Variants in SHC4 observed in about 807,000 individuals in gnomAD.
The protein encoded by SHC4 is SHC-transforming protein 4.
Under a neutral mutation model 69.4 loss-of-function variants are expected in SHC4, and 41 were observed. The ratio of observed to expected loss-of-function variants is 0.59; its 90% CI spans 0.46 to 0.77. SHC4 has a LOEUF of 0.77. Ranked by LOEUF, SHC4 falls within the 30% of genes least tolerant of loss-of-function variation. The pLI, the probability that SHC4 is intolerant of heterozygous loss-of-function variation, is 0.00. For synonymous variants in SHC4, 318 were observed against 299.3 expected, an observed-to-expected ratio of 1.06 and a Z score of -0.64; for missense variants, 777 against 783.8, an observed-to-expected ratio of 0.99 and a Z score of 0.10.
At chr15:48,844,349 A>T (rs1258401427) in intron 9 of SHC4, among the ~76,000 whole-genome samples, 1 of 152,056 alleles carries the variant, frequency 6.6e-6, no homozygotes, top group Non-Finnish European at 1.5e-5. Context: ...ATTGCTTCCC[A>T]TGCTCTTTAA....
chr15:48,861,603 T>C (rs1199952350), intron 6 of SHC4, among the ~76,000 whole-genome samples: 1 of 152,178 alleles, frequency 6.6e-6, no homozygotes, highest in Non-Finnish European at 1.5e-5. Context: ...GACAAGTAAC[T>C]ATATATAAAA....
At chr15:48,905,234 T>C (rs1900387946) in intron 2 of SHC4, among the ~76,000 whole-genome samples, 1 of 152,192 alleles carries the variant, frequency 6.6e-6, no homozygotes, top group Admixed American at 6.5e-5. Flanking sequence ...AACCCAACTA[T>C]GTTCTAGAAA....
intron 1 of SHC4, among the ~76,000 whole-genome samples, chr15:48,930,641 T>G (rs1443715641): frequency 6.6e-6 from 1 of 151,938 alleles, no homozygotes; most frequent in African/African-American, 2.4e-5. Flanking sequence ...TGTCTGTAAA[T>G]AAAAAATAAA....
intron 8 of SHC4, among the ~76,000 whole-genome samples, chr15:48,852,988 G>T (rs941880388): frequency 6.6e-6 from 1 of 150,946 alleles, no homozygotes; most frequent in East Asian, 1.9e-4. Context: ...GGAAGTCTTA[G>T]AGCAATCAGG....
At chr15:48,935,431 C>T (rs973397074) in intron 1 of SHC4, among the ~76,000 whole-genome samples, 1 of 152,126 alleles carries the variant, frequency 6.6e-6, no homozygotes, top group Non-Finnish European at 1.5e-5. Flanking sequence ...CATCATTATG[C>T]CCAGCACCTC....
intron 4 of SHC4, chr15:48,878,501 T>C (rs1015274737): frequency 6.2e-7 from 1 of 1,614,030 alleles, no homozygotes. Context: ...GGAGGACGAC[T>C]ACGACTATCC....
chr15:48,900,105 C>T lies in SHC4; in HGVS notation c.657-9294G>A, dbSNP rs191341088. Among the ~76,000 whole-genome samples, 8 of 152,278 alleles carry T rather than the reference C, an allele frequency of 5.3e-5. 1 individual carries two copies. Among genetic ancestry groups the T allele is most frequent in the East Asian group, 1.9e-4 (1 of 5,190 alleles). On this transcript the variant is annotated intron_variant, in intron 2 of 11. Coordinates refer to ENST00000332408, the MANE Select transcript of SHC4 (RefSeq NM_203349.4). ...ACTGTCTATACGTTTGATGATATTC[C>T]GTTCTGGGGAATTTTGTTTTCAATG...
intron 1 of SHC4, among the ~76,000 whole-genome samples, chr15:48,956,518 G>A (rs1901456383): frequency 6.6e-6 from 1 of 152,164 alleles, no homozygotes; most frequent in African/African-American, 2.4e-5. Context: ...TAGCTGGCCA[G>A]ACACATGAGG....
At chr15:48,961,946 A>G (rs1901552727) in intron 1 of SHC4, among the ~76,000 whole-genome samples, 2 of 152,220 alleles carry the variant, frequency 1.3e-5, no homozygotes, top group African/African-American at 4.8e-5. Flanking sequence ...TGTTTGTTAA[A>G]TGCTGAAATA....
intron 1 of SHC4, among the ~76,000 whole-genome samples, chr15:48,926,662 C>G (rs1900859442): frequency 1.3e-5 from 2 of 152,180 alleles, no homozygotes; most frequent in African/African-American, 4.8e-5. Flanking sequence ...AGGGTTTCAC[C>G]ATGTTGGCCA....
At chr15:48,849,398 C>A (rs1899162409) in intron 9 of SHC4, among the ~76,000 whole-genome samples, 1 of 152,066 alleles carries the variant, frequency 6.6e-6, no homozygotes, top group Non-Finnish European at 1.5e-5. Flanking sequence ...TTATTTGTTC[C>A]TATAACATCT....
intron 2 of SHC4, among the ~76,000 whole-genome samples, chr15:48,900,027 C>T (rs569223178): frequency 3.3e-5 from 5 of 152,216 alleles, no homozygotes; most frequent in South Asian, 2.1e-4. Context: ...TGTGTTAGTG[C>T]GTGTTAAGGA....
Position 48,824,772 on chromosome 15 carries a change from C to T in SHC4, c.*1199G>A, listed in dbSNP as rs1898653615. 6.6e-6 allele frequency: 1 copy of T among 152,568 alleles called. No homozygotes were observed. Among genetic ancestry groups the T allele is most frequent in the Non-Finnish European group, 1.5e-5 (1 of 68,028 alleles). The allele number at this position is 152,568 out of a possible 1,614,324, so 9.5% of individuals were successfully genotyped here. A position where few individuals can be genotyped will look rare whatever the true frequency, so the allele number is the denominator to read the frequency against. On this transcript the variant is annotated 3_prime_UTR_variant, in exon 12 of 12. Coordinates refer to ENST00000332408, the MANE Select transcript of SHC4 (RefSeq NM_203349.4). The stretch of plus-strand genomic sequence containing the variant: ...CTAGCCCATTTAGCTCATTTTATTG[C>T]CAAGGAAACTGGAACCCAAACAGAT...
intron 1 of SHC4, among the ~76,000 whole-genome samples, chr15:48,932,903 A>G (rs1900994984): frequency 6.6e-6 from 1 of 152,138 alleles, no homozygotes; most frequent in South Asian, 2.1e-4. Flanking sequence ...TGAGATGAGC[A>G]AGTAAGATAT....
chr15:48,938,566 G>T (rs1212708239), intron 1 of SHC4, among the ~76,000 whole-genome samples: 3 of 152,106 alleles, frequency 2.0e-5, no homozygotes, highest in Non-Finnish European at 4.4e-5. Flanking sequence ...TTTGAAGTTG[G>T]GTACAGCACC....
intron 3 of SHC4, among the ~76,000 whole-genome samples, chr15:48,888,928 T>C (rs1172744918): frequency 2.0e-5 from 3 of 149,386 alleles, no homozygotes; most frequent in African/African-American, 4.9e-5. Context: ...TTTTATGTTA[T>C]GGATATTTTA....
Position 48,862,361 on chromosome 15 carries a change from C to A in SHC4, c.947-4546G>T, listed in dbSNP as rs114527132. On this transcript the variant is annotated intron_variant, in intron 6 of 11. Transcript: ENST00000332408. The stretch of plus-strand genomic sequence containing the variant: ...AAGACAATGTGGATTTCCTCATTTA[C>A]AGCAATTACAGAAGCAGGGTGTATT... Among the ~76,000 whole-genome samples the A allele has an allele frequency of 3.9e-3, 595 of 152,236 alleles. 2 individuals carry two copies. The highest frequency in any genetic ancestry group is 0.014 in the African/African-American group (580 of 41,546).
In SHC4 at chr15:48,890,853, C is replaced by A. The variant is rs1268888712; in HGVS notation, c.657-42G>T. 11 of 1,592,986 alleles carry A rather than the reference C, an allele frequency of 6.9e-6. No individual in the cohort carries two copies. In the Admixed American group the frequency reaches 1.5e-4, roughly 22 times the overall value. On this transcript the variant is annotated intron_variant, in intron 2 of 11. Coordinates refer to ENST00000332408, the MANE Select transcript of SHC4 (RefSeq NM_203349.4). ...ATATAAATAAAGACTTAGCATACTA[C>A]CTCCACACAGTAAGTGTTTAAGAAA...
At chr15:48,910,733 G>T (rs1900493853) in intron 2 of SHC4, among the ~76,000 whole-genome samples, 2 of 152,044 alleles carry the variant, frequency 1.3e-5, no homozygotes, top group African/African-American at 4.8e-5. Context: ...CACCGCCTTA[G>T]CTGTATCCCA....
Sources: allele counts gnomAD v4.1 joint callset (sites outside exome capture counted in the v4.1 genomes callset), GRCh38; gene constraint gnomAD v4.1.1; transcripts MANE v1.5; gene names NCBI Gene and HGNC (gene_info 2026-07-23, HGNC 2026-07-21).